MCU: variants seen among roughly 807,000 people sequenced by gnomAD.
The protein encoded by MCU is mitochondrial calcium uniporter, also known as calcium uniporter protein, mitochondrial.
A neutral mutation model predicts 45.2 loss-of-function variants in MCU; 12 were observed. The ratio of observed to expected loss-of-function variants is 0.27; its 90% CI spans 0.17 to 0.43. The LOEUF (loss-of-function observed/expected upper bound fraction) is 0.43, where lower values mean the gene tolerates loss of function less well. Ranked by LOEUF, MCU falls within the 20% of genes least tolerant of loss-of-function variation. MCU has a pLI of 1.00. For synonymous variants in MCU, 160 were observed against 165.1 expected, an observed-to-expected ratio of 0.97 and a Z score of 0.24; for missense variants, 324 against 436.7, an observed-to-expected ratio of 0.74 and a Z score of 2.30.
At chr10:72,724,100 C>T (rs1292853224) in intron 1 of MCU, among the ~76,000 whole-genome samples, 2 of 152,162 alleles carry the variant, frequency 1.3e-5, no homozygotes, top group Non-Finnish European at 2.9e-5. Flanking sequence ...TTTAAAAAAT[C>T]AATTCCCTAT....
intron 1 of MCU, among the ~76,000 whole-genome samples, chr10:72,747,851 A>G (rs996456198): frequency 2.0e-5 from 3 of 151,964 alleles, no homozygotes; most frequent in Admixed American, 6.6e-5. Context: ...AAACCAAACC[A>G]TGGAAGTGTA....
chr10:72,797,053 A>G (rs1273256166), intron 1 of MCU, among the ~76,000 whole-genome samples: 1 of 152,000 alleles, frequency 6.6e-6, no homozygotes, highest in African/African-American at 2.4e-5. Flanking sequence ...ATTTCAGGGT[A>G]CAGAGTGCAC....
At chr10:72,738,258 C>G (rs527849863) in intron 1 of MCU, among the ~76,000 whole-genome samples, 1 of 152,128 alleles carries the variant, frequency 6.6e-6, no homozygotes, top group Non-Finnish European at 1.5e-5. Context: ...AAATTGCTCC[C>G]ACTCTTTCTT....
At position 72,759,090 on chromosome 10, in the gene MCU, A is replaced by G. The variant is rs114322130; in HGVS notation, c.150+66789A>G. Among the ~76,000 whole-genome samples, 866 of 152,250 alleles carry G rather than the reference A, an allele frequency of 5.7e-3. 8 individuals are homozygous for G. The highest frequency in any genetic ancestry group is 0.02 in the African/African-American group (812 of 41,526). ...GGTAATAGTACTTCTGTTCATCTGT[A>G]GCAGGACGAGCCGCAGACAAAACTC... On this transcript the variant is annotated intron_variant, in intron 1 of 7. Coordinates refer to ENST00000373053, the MANE Select transcript of MCU (RefSeq NM_138357.3).
At chr10:72,861,794 G>A in intron 4 of MCU, 2 of 289,078 alleles carry the variant, frequency 6.9e-6, no homozygotes, top group Non-Finnish European at 6.8e-6. Flanking sequence ...ACCGCACCCA[G>A]CAAGATAAAT....
intron 1 of MCU, among the ~76,000 whole-genome samples, chr10:72,763,496 G>T (rs1368473335): frequency 1.3e-5 from 2 of 152,056 alleles, no homozygotes; most frequent in East Asian, 3.9e-4. Flanking sequence ...AAAAGAATGG[G>T]TTTTAACATT....
chr10:72,762,642 G>GT (rs1843671237), intron 1 of MCU, among the ~76,000 whole-genome samples: 1 of 152,146 alleles, frequency 6.6e-6, no homozygotes, highest in African/African-American at 2.4e-5. Flanking sequence ...TTATGAACAT[G>GT]TGTCAGTTCT....
intron 1 of MCU, among the ~76,000 whole-genome samples, chr10:72,795,083 T>G (rs1844223317): frequency 6.6e-6 from 1 of 152,216 alleles, no homozygotes; most frequent in Admixed American, 6.5e-5. Context: ...CCATTTCTAT[T>G]TAACTATAGA....
intron 1 of MCU, among the ~76,000 whole-genome samples, chr10:72,736,966 GT>G (rs1232867665): frequency 1.3e-5 from 2 of 152,244 alleles, no homozygotes; most frequent in Non-Finnish European, 2.9e-5. Flanking sequence ...TTTAAAAAAA[GT>G]TTATGTAAGA....
At chr10:72,743,960 T>A (rs1333668661) in intron 1 of MCU, among the ~76,000 whole-genome samples, 1 of 152,020 alleles carries the variant, frequency 6.6e-6, no homozygotes, top group Non-Finnish European at 1.5e-5. Flanking sequence ...GCCATTTGTG[T>A]TTTGTAGGTT....
chr10:72,815,162 A>G (rs114642335), intron 1 of MCU, among the ~76,000 whole-genome samples: 1 of 152,274 alleles, frequency 6.6e-6, no homozygotes, highest in African/African-American at 2.4e-5. Flanking sequence ...GCAGCCATAT[A>G]GTTTCTGTTA....
chr10:72,874,172 G>A (rs936579785), intron 6 of MCU, among the ~76,000 whole-genome samples: 1 of 152,168 alleles, frequency 6.6e-6, no homozygotes, highest in Non-Finnish European at 1.5e-5. Context: ...TGCATCAAAT[G>A]TGTACATGGT....
At chr10:72,833,277 G>A (rs1173310039) in intron 1 of MCU, among the ~76,000 whole-genome samples, 6 of 152,176 alleles carry the variant, frequency 3.9e-5, no homozygotes, top group Non-Finnish European at 7.3e-5. Context: ...TAGTAACTTT[G>A]ACTAGAAGTA....
At chr10:72,772,278 A>G (rs1013284251) in intron 1 of MCU, among the ~76,000 whole-genome samples, 3 of 152,352 alleles carry the variant, frequency 2.0e-5, no homozygotes, top group Non-Finnish European at 2.9e-5. Context: ...GCCTTGACAC[A>G]CTGCTGGGAT....
intron 1 of MCU, among the ~76,000 whole-genome samples, chr10:72,750,036 T>TGAA (rs1843472417): frequency 3.3e-5 from 5 of 151,980 alleles, no homozygotes; most frequent in Admixed American, 3.3e-4. Flanking sequence ...TGCTTTGACT[T>TGAA]GGCCTCCCGA....
chr10:72,800,662 C>G (rs1439921648), intron 1 of MCU, among the ~76,000 whole-genome samples: 2 of 152,180 alleles, frequency 1.3e-5, no homozygotes, highest in Non-Finnish European at 2.9e-5. Flanking sequence ...AAGCAAACAT[C>G]CTGTAACAGA....
intron 1 of MCU, among the ~76,000 whole-genome samples, chr10:72,756,241 C>G (rs185254614): frequency 1.3e-5 from 2 of 152,228 alleles, no homozygotes; most frequent in Admixed American, 1.3e-4. Flanking sequence ...CCTGCCTCAG[C>G]CTCCAAAAGT....
chr10:72,826,517 C>T (rs1263686847), intron 1 of MCU, among the ~76,000 whole-genome samples: 3 of 152,154 alleles, frequency 2.0e-5, no homozygotes, highest in Non-Finnish European at 4.4e-5. Context: ...TCAGCAAATG[C>T]ATTGAGATTC....
intron 1 of MCU, among the ~76,000 whole-genome samples, chr10:72,805,131 C>CTTTCTTTCTT (rs1844418668): frequency 7.2e-6 from 1 of 137,986 alleles, no homozygotes; most frequent in Admixed American, 7.3e-5. Context: ...TTCTTTCTTT[C>CTTTCTTTCTT]TTTCTTTCTT....
Sources: allele counts gnomAD v4.1 joint callset (sites outside exome capture counted in the v4.1 genomes callset), GRCh38; gene constraint gnomAD v4.1.1; transcripts MANE v1.5; gene names NCBI Gene and HGNC (gene_info 2026-07-23, HGNC 2026-07-21).